Variants in TG observed in about 807,000 individuals in gnomAD.
TG encodes thyroid hormones.
Under a neutral mutation model 324.7 loss-of-function variants are expected in TG, and 270 were observed. The ratio of observed to expected loss-of-function variants is 0.83; its 90% CI spans 0.75 to 0.92. The LOEUF is 0.92. TG is among the 40% of genes least tolerant of loss of function. The pLI, the probability that TG is intolerant of heterozygous loss-of-function variation, is 0.00. For missense variants in TG, 3,591 were observed against 3,456.4 expected, an observed-to-expected ratio of 1.04 and a Z score of -0.98; for synonymous variants, 1,401 against 1,327.0, an observed-to-expected ratio of 1.06 and a Z score of -1.21.
At chr8:132,932,731 G>A (rs924925749) in intron 23 of TG, among the ~76,000 whole-genome samples, 5 of 152,126 alleles carry the variant, frequency 3.3e-5, no homozygotes, top group African/African-American at 1.2e-4. Flanking sequence ...CTCATTAAGC[G>A]CATGGCCTCC....
intron 14 of TG, 162 bp downstream of exon 14, chr8:132,899,072 G>A: frequency 1.4e-6 from 1 of 701,224 alleles, no homozygotes. Context: ...GTGACCTTGG[G>A]CTATTTACTT....
At chr8:132,897,179 T>G (rs1817240448) in intron 11 of TG, among the ~76,000 whole-genome samples, 1 of 152,264 alleles carries the variant, frequency 6.6e-6, no homozygotes, top group Non-Finnish European at 1.5e-5. Flanking sequence ...TTTCTGTCTG[T>G]GAACCCTTGG....
chr8:133,070,029 A>AAC lies in TG; in HGVS notation c.7240-25014_7240-25013insCA, dbSNP rs376711807. On this transcript the variant is annotated intron_variant, in intron 41 of 47. Transcript: ENST00000220616. ...AAAAAAAAAAAAAAAAAAAAAAAGA[A>AAC]AGAAAGAAAGAAAAGAAAAGAAGAA... Among the ~76,000 whole-genome samples the AAC allele has an allele frequency of 5.8e-3, 642 of 109,752 alleles. 120 individuals are homozygous for AAC. Among genetic ancestry groups the AAC allele is most frequent in the African/African-American group, 0.013 (323 of 25,804 alleles). 72.0% of individuals were successfully genotyped at this position (109,752 alleles called of 152,430 possible). A position where few individuals can be genotyped will look rare whatever the true frequency, so the allele number is the denominator to read the frequency against.
At position 133,096,248 on chromosome 8, in the gene TG, A is replaced by C. The variant is rs878862936; in HGVS notation, c.7447A>C (p.Ile2483Leu). The change falls in exon 43 of 48, where the codon ATC becomes CTC. Residue 2483 changes from isoleucine (I) to leucine (L), a missense_variant. Ile to Leu is a conservative substitution (Grantham distance 5). Transcript: ENST00000220616. ...SGPFHYWGPVIDGHFLREPPA... is the reference protein window; with the variant it reads ...SGPFHYWGPVLDGHFLREPPA... ...CCCTTTCCACTACTGGGGTCCTGTG[A>C]TCGATGGCCACTTCCTCCGTGAGCC... 1.9e-6 allele frequency: 3 copies of C among 1,614,218 alleles called. No individual in the cohort carries two copies. The highest frequency in any genetic ancestry group is 2.2e-5 in the South Asian group (2 of 91,082).
chr8:132,946,055 CA>C (rs1251940639), intron 26 of TG, among the ~76,000 whole-genome samples: 3 of 151,848 alleles, frequency 2.0e-5, no homozygotes, highest in Non-Finnish European at 4.4e-5. Flanking sequence ...CACACACACA[CA>C]CACACACACA....
intron 35 of TG, among the ~76,000 whole-genome samples, chr8:133,010,723 C>T (rs1433829172): frequency 6.6e-6 from 1 of 152,212 alleles, no homozygotes. Context: ...CAGGATCACC[C>T]TCACTTCGTC....
At chr8:132,962,515 C>T (rs1338122279) in intron 28 of TG, among the ~76,000 whole-genome samples, 1 of 152,186 alleles carries the variant, frequency 6.6e-6, no homozygotes. Context: ...TTAAGGCCTG[C>T]CTGATACCTG....
intron 41 of TG, among the ~76,000 whole-genome samples, chr8:133,078,928 G>A (rs927057267): frequency 6.6e-6 from 1 of 152,158 alleles, no homozygotes; most frequent in African/African-American, 2.4e-5. Context: ...AAACCCCAGG[G>A]TGTAAAGAAA....
intron 35 of TG, chr8:133,002,497 A>G: frequency 2.3e-6 from 2 of 885,132 alleles, no homozygotes; most frequent in South Asian, 5.2e-5. Flanking sequence ...TTCAGACACA[A>G]TTAAAATTTG....
intron 10 of TG, among the ~76,000 whole-genome samples, chr8:132,890,678 C>G (rs184178086): frequency 6.6e-6 from 1 of 152,298 alleles, no homozygotes; most frequent in African/African-American, 2.4e-5. Flanking sequence ...CAATACATAA[C>G]TGCCTCAAAG....
At chr8:133,092,753 C>T (rs903751650) in intron 41 of TG, among the ~76,000 whole-genome samples, 1 of 152,162 alleles carries the variant, frequency 6.6e-6, no homozygotes, top group Non-Finnish European at 1.5e-5. Context: ...CCCCTCCTGC[C>T]CCCGAGTGCT....
At chr8:133,094,284 A>G (rs1031341797) in intron 41 of TG, among the ~76,000 whole-genome samples, 22 of 129,908 alleles carry the variant, frequency 1.7e-4, no homozygotes, top group African/African-American at 6.3e-4. Flanking sequence ...TCTGTTTCCC[A>G]GGCTGGAGTG....
chr8:132,916,481 G>T (rs1416586784), intron 20 of TG, among the ~76,000 whole-genome samples: 1 of 152,164 alleles, frequency 6.6e-6, no homozygotes, highest in Non-Finnish European at 1.5e-5. Flanking sequence ...AAACATATCT[G>T]GGACATGGCC....
intron 45 of TG, among the ~76,000 whole-genome samples, chr8:133,128,398 T>A (rs1334892134): frequency 6.7e-6 from 1 of 149,422 alleles, no homozygotes; most frequent in Non-Finnish European, 1.5e-5. Flanking sequence ...TCCGCAGAGC[T>A]CTGTGGCTGG....
intron 45 of TG, among the ~76,000 whole-genome samples, chr8:133,129,463 T>C (rs1392323900): frequency 6.6e-6 from 1 of 152,210 alleles, no homozygotes; most frequent in Non-Finnish European, 1.5e-5. Flanking sequence ...GTATTACAAA[T>C]AGGATTTCCT....
chr8:132,925,129 A>G (rs556842726), intron 22 of TG, among the ~76,000 whole-genome samples: 3 of 152,324 alleles, frequency 2.0e-5, no homozygotes, highest in African/African-American at 4.8e-5. Context: ...TGTTTATCAA[A>G]TTTGAATCCA....
chr8:133,055,699 C>G (rs1391225166), intron 41 of TG, among the ~76,000 whole-genome samples: 1 of 152,158 alleles, frequency 6.6e-6, no homozygotes, highest in East Asian at 1.9e-4. Context: ...AGAACAGAAG[C>G]AAGAAATAGT....
intron 47 of TG, 116 bp downstream of exon 47, chr8:133,133,776 AT>A: frequency 8.6e-7 from 1 of 1,159,182 alleles, no homozygotes; most frequent in Non-Finnish European, 1.3e-6. Flanking sequence ...ACCAGTGCCA[AT>A]GGCACAGCCC....
chr8:132,867,821 T>G lies in TG; in HGVS notation c.68-294T>G, dbSNP rs532286705. 6.7e-3 allele frequency among the ~76,000 whole-genome samples: 1,022 copies of G among 152,218 alleles called. 7 individuals are homozygous for G. Among genetic ancestry groups the G allele is most frequent in the Non-Finnish European group, 0.011 (729 of 68,006 alleles). On this transcript the variant is annotated intron_variant, in intron 1 of 47. Coordinates refer to ENST00000220616, the MANE Select transcript of TG (RefSeq NM_003235.5). The stretch of plus-strand genomic sequence containing the variant: ...GAACGTGTAGTCCCAGCGTTGATTT[T>G]GGGATCCTTCACTTGCCAGTTACGT...
Sources: gnomAD v4.1 joint callset for allele counts (sites outside exome capture counted in the v4.1 genomes callset) on GRCh38, gnomAD v4.1.1 for gene constraint, MANE v1.5 for transcripts, NCBI Gene and HGNC (gene_info 2026-07-23, HGNC 2026-07-21) for gene names.